The following TMF1 variants were observed in gnomAD, a reference collection of about 807,000 sequenced individuals.
TMF1 encodes TATA element modulatory factor.
Under a neutral mutation model 126.5 loss-of-function variants are expected in TMF1, and 71 were observed. The ratio of observed to expected loss-of-function variants is 0.56; its 90% CI spans 0.46 to 0.68. The LOEUF (loss-of-function observed/expected upper bound fraction) is 0.68. Among genes scored for constraint, TMF1 ranks in the 30% least tolerant of loss-of-function variants. The pLI is 0.00. For synonymous variants in TMF1, 461 were observed against 430.5 expected, an observed-to-expected ratio of 1.07 and a Z score of -0.88; for missense variants, 1,259 against 1,253.2, an observed-to-expected ratio of 1.00 and a Z score of -0.07.
In TMF1 at chr3:69,042,911, T is replaced by C. The variant is rs995821313; in HGVS notation, c.1580A>G (p.Glu527Gly). The C allele has an allele frequency of 1.9e-6, 3 of 1,600,696 alleles. 1 individual carries two copies. In the South Asian group the frequency reaches 3.3e-5, roughly 18 times the overall value. The stretch of plus-strand genomic sequence containing the variant: ...AAGTTCTTCTTTTATGTTTTTGATT[T>C]CCTAATAAAAAAGAAATCTGTGAAT... ...ACKERDAAKK[E>G]IKNIKEELAT... Residue 527 changes from glutamate (E) to glycine (G), a missense_variant and splice_region_variant, in exon 5 of 17, where the codon GAA (glutamate) becomes GGA (glycine). Glu to Gly is a moderately conservative substitution (Grantham distance 98, BLOSUM62 -2). Transcript: ENST00000398559.
At chr3:69,023,653 G>A (rs1167885145) in intron 16 of TMF1, among the ~76,000 whole-genome samples, 3 of 151,914 alleles carry the variant, frequency 2.0e-5, no homozygotes, top group African/African-American at 4.8e-5. Flanking sequence ...AGTATTACCC[G>A]GCATTTAGCC....
intron 10 of TMF1, among the ~76,000 whole-genome samples, chr3:69,033,116 T>C (rs1278342298): frequency 6.6e-6 from 1 of 151,660 alleles, no homozygotes; most frequent in Non-Finnish European, 1.5e-5. Context: ...CTACTAAAAA[T>C]ACAAAAAATT....
At chr3:69,033,935 AT>A in intron 9 of TMF1, 1 of 334,270 alleles carries the variant, frequency 3.0e-6, no homozygotes, top group South Asian at 4.9e-5. Context: ...GGCTCAAGCG[AT>A]CCTCCCAGCT....
rs779671834 is a variant in TMF1 at position 69,042,929 on chromosome 3, C to T, written c.1579-17G>A. The T allele has an allele frequency of 6.6e-7, 1 of 1,522,628 alleles. No individual in the cohort carries two copies. Among genetic ancestry groups the T allele is most frequent in the South Asian group, 1.1e-5 (1 of 88,998 alleles). The allele number at this position is 1,522,628 out of a possible 1,614,324, so 94.3% of individuals were successfully genotyped here. A position where few individuals can be genotyped will look rare whatever the true frequency, so the allele number is the denominator to read the frequency against. On this transcript the variant is annotated splice_polypyrimidine_tract_variant and intron_variant, in intron 4 of 16. Coordinates refer to ENST00000398559, the MANE Select transcript of TMF1 (RefSeq NM_007114.3). ...TTTGATTTCCTAATAAAAAAGAAATCTGTGAATACCGTAAAGAATGACTTT... is the reference window on the plus strand; with the variant it reads ...TTTGATTTCCTAATAAAAAAGAAATTTGTGAATACCGTAAAGAATGACTTT...
chr3:69,030,095 A>C, intron 10 of TMF1, 88 bp from the exon 11 acceptor site: 1 of 1,166,502 alleles, frequency 8.6e-7, no homozygotes. Context: ...ACATTTAATG[A>C]TGCAAGTAGC....
Position 69,047,765 on chromosome 3 carries a change from T to A in TMF1, c.940A>T (p.Thr314Ser), listed in dbSNP as rs1320359384. 1.9e-6 allele frequency: 3 copies of A among 1,613,958 alleles called. No homozygotes were observed. The highest frequency in any genetic ancestry group is 2.5e-6 in the Non-Finnish European group (3 of 1,180,020). Residue 314 changes from threonine to serine, a missense_variant, in exon 2 of 17, where the codon ACT becomes TCT. By Grantham distance (58) the Thr-to-Ser change is moderately conservative. Transcript: ENST00000398559. Reference sequence around the variant, plus strand: ...GCATCAGATGAACAGCAACTCTCAGTGAGTTTTTGGAAATCATCTAAACGA... The same window carrying A: ...GCATCAGATGAACAGCAACTCTCAGAGAGTTTTTGGAAATCATCTAAACGA... ...YNRLDDFQKL[T>S]ESCCSSDAFE... is the part of the protein sequence containing the mutation.
chr3:69,027,293 G>C (rs1463425218), intron 13 of TMF1, among the ~76,000 whole-genome samples: 1 of 152,120 alleles, frequency 6.6e-6, no homozygotes. Context: ...CCCATGCTCA[G>C]CCTCAGAAAA....
intron 13 of TMF1, 28 bp from the exon 14 acceptor site, chr3:69,026,125 T>C: frequency 1.4e-6 from 2 of 1,454,270 alleles, no homozygotes; most frequent in Admixed American, 1.7e-5. Flanking sequence ...ATTCTGTTCA[T>C]ATTAAAGAGC....
intron 8 of TMF1, among the ~76,000 whole-genome samples, chr3:69,037,301 T>C (rs1015779027): frequency 6.6e-6 from 1 of 151,900 alleles, no homozygotes; most frequent in African/African-American, 2.4e-5. Context: ...GAGACCATCC[T>C]GGCTAACACG....
intron 8 of TMF1, among the ~76,000 whole-genome samples, chr3:69,036,575 G>C (rs1166954024): frequency 6.6e-6 from 1 of 152,116 alleles, no homozygotes; most frequent in Non-Finnish European, 1.5e-5. Flanking sequence ...GAAAAGATAA[G>C]CCAAACTCTA....
At position 69,023,036 on chromosome 3, in the gene TMF1, TA is replaced by T; in HGVS notation, c.*140del. 1 of 672,010 alleles carries T rather than the reference TA, an allele frequency of 1.5e-6. No homozygotes were observed. The highest frequency in any genetic ancestry group is 2.4e-6 in the Non-Finnish European group (1 of 420,314). 41.6% of individuals were successfully genotyped at this position (672,010 alleles called of 1,614,324 possible). On this transcript the variant is annotated 3_prime_UTR_variant, in exon 17 of 17. Transcript: ENST00000398559. ...TAACTGTAAATATTACTACATAGTG[TA>T]AAACAATTTTAAAAAAATTTTTACA...
In TMF1 at chr3:69,022,457, T is replaced by C. The variant is rs754878017; in HGVS notation, c.*720A>G. 3.3e-5 allele frequency: 5 copies of C among 152,590 alleles called. No homozygotes were observed. The highest frequency in any genetic ancestry group is 5.9e-5 in the Non-Finnish European group (4 of 67,988). The allele number at this position is 152,590 out of a possible 1,614,324, so 9.5% of individuals were successfully genotyped here. Reference sequence around the variant, plus strand: ...TAAATAAATTTTCTCCATTATCCAATCACATCTAGATAACATTGAATATGT... The same window carrying C: ...TAAATAAATTTTCTCCATTATCCAACCACATCTAGATAACATTGAATATGT... On this transcript the variant is annotated 3_prime_UTR_variant, in exon 17 of 17. Coordinates refer to ENST00000398559, the MANE Select transcript of TMF1 (RefSeq NM_007114.3).
At chr3:69,046,618 T>C (rs1280470307) in intron 2 of TMF1, among the ~76,000 whole-genome samples, 1 of 152,168 alleles carries the variant, frequency 6.6e-6, no homozygotes, top group Non-Finnish European at 1.5e-5. Flanking sequence ...CCAACTAAAT[T>C]TGTATATCTA....
intron 11 of TMF1, 52 bp downstream of exon 11, chr3:69,029,763 G>A: frequency 3.3e-6 from 5 of 1,511,888 alleles, no homozygotes; most frequent in Non-Finnish European, 4.5e-6. Context: ...TTTAAAAAGT[G>A]CTTTAGGATG....
intron 10 of TMF1, among the ~76,000 whole-genome samples, chr3:69,032,205 G>A (rs1254487814): frequency 5.3e-5 from 8 of 152,096 alleles, no homozygotes; most frequent in African/African-American, 1.2e-4. Flanking sequence ...CATGACAGCA[G>A]CCCCAAAGGT....
chr3:69,051,036 A>AT (rs757140443), intron 1 of TMF1, among the ~76,000 whole-genome samples: 2 of 152,160 alleles, frequency 1.3e-5, no homozygotes, highest in African/African-American at 2.4e-5. Context: ...TGGGTCACAC[A>AT]TTTTCCGGCT....
rs760026516 is a variant in TMF1 at position 69,047,580 on chromosome 3, T to C, written c.1125A>G (p.Gly375=). The change falls in exon 2 of 17, where the codon GGA becomes GGG. Residue 375 remains glycine (G), a synonymous_variant. Transcript: ENST00000398559. The stretch of plus-strand genomic sequence containing the variant: ...ATGTTTCATTTACTTCTTCAGATTT[T>C]CCTTCAGCAGATTCAACTGTTTTAG... The part of the protein sequence containing the change: ...PKSKTVESAE[G]KSEEVNETLV... The C allele has an allele frequency of 4.3e-6, 7 of 1,614,044 alleles. No homozygotes were observed. Among genetic ancestry groups the C allele is most frequent in the Non-Finnish European group, 5.9e-6 (7 of 1,180,040 alleles).
intron 10 of TMF1, among the ~76,000 whole-genome samples, chr3:69,031,794 G>C (rs1377830420): frequency 2.0e-5 from 3 of 152,048 alleles, no homozygotes; most frequent in Admixed American, 6.5e-5. Flanking sequence ...AGCATTCCTT[G>C]GTATGTTTGT....
chr3:69,046,090 T>C (rs940863344), intron 2 of TMF1, among the ~76,000 whole-genome samples: 5 of 152,050 alleles, frequency 3.3e-5, no homozygotes, highest in Non-Finnish European at 5.9e-5. Flanking sequence ...GCCTGGACAA[T>C]AGAGAGAGAC....
Sources: allele counts gnomAD v4.1 joint callset (sites outside exome capture counted in the v4.1 genomes callset), GRCh38; gene constraint gnomAD v4.1.1; transcripts MANE v1.5; gene names NCBI Gene and HGNC (gene_info 2026-07-23, HGNC 2026-07-21).